The following TMEM63B variants were observed in gnomAD, a reference collection of about 807,000 sequenced individuals.
TMEM63B encodes mechanosensitive cation channel TMEM63B.
In TMEM63B, 23 loss-of-function variants were observed where a neutral mutation model predicts 102.6. The ratio of observed to expected loss-of-function variants is 0.22; its 90% confidence interval spans 0.16 to 0.32. TMEM63B has a LOEUF of 0.32. TMEM63B is among the 10% of genes least tolerant of loss of function. The pLI is 1.00. For synonymous variants in TMEM63B, 444 were observed against 437.0 expected, an observed-to-expected ratio of 1.02 and a Z score of -0.20; for missense variants, 628 against 1,095.9, an observed-to-expected ratio of 0.57 and a Z score of 6.03.
chr6:44,136,902 A>G (rs975883266), intron 5 of TMEM63B, among the ~76,000 whole-genome samples: 2 of 152,204 alleles, frequency 1.3e-5, no homozygotes, highest in African/African-American at 4.8e-5. Context: ...AAAATTAGCC[A>G]GGCGTGGTGG....
At position 44,140,208 on chromosome 6, in the gene TMEM63B, T is replaced by G. The variant is rs1223426315; in HGVS notation, c.603-44T>G. The G allele has an allele frequency of 2.0e-6, 3 of 1,504,804 alleles. No homozygotes were observed. The South Asian group carries it at 3.4e-5, about 17-fold the overall frequency. 93.2% of individuals were successfully genotyped at this position (1,504,804 alleles called of 1,614,324 possible). A position where few individuals can be genotyped will look rare whatever the true frequency, so the allele number is the denominator to read the frequency against. On this transcript the variant is annotated intron_variant, in intron 8 of 23. Coordinates refer to ENST00000323267, the MANE Select transcript of TMEM63B (RefSeq NM_018426.3). ...GGCTGAGGTGTCTCCTCTGAGTGTG[T>G]CCTAGCCCCAGTGGCTCCCATGTAT...
chr6:44,127,331 C>T (rs1353394876), upstream of TMEM63B: 5 of 152,386 alleles, frequency 3.3e-5, no homozygotes, highest in South Asian at 4.1e-4. Flanking sequence ...CCCACCCCTG[C>T]CCCCCACCAT....
intron 5 of TMEM63B, among the ~76,000 whole-genome samples, chr6:44,136,961 C>T (rs1214299826): frequency 6.6e-6 from 1 of 152,220 alleles, no homozygotes; most frequent in Non-Finnish European, 1.5e-5. Context: ...AGGAGAATGG[C>T]GTGAACGCGG....
chr6:44,155,136 A>AC lies in TMEM63B; in HGVS notation c.*259dup, dbSNP rs930860014. On this transcript the variant is annotated 3_prime_UTR_variant, in exon 24 of 24. Coordinates refer to ENST00000323267, the MANE Select transcript of TMEM63B (RefSeq NM_018426.3). ...GCAGAGGGAGTTCCCCCAGATCAGT[A>AC]CCCCCCACCCCTCCCCAGCTAGTAG... 4.8e-5 allele frequency: 15 copies of AC among 309,434 alleles called. No homozygotes were observed. The highest frequency in any genetic ancestry group is 2.2e-4 in the African/African-American group (10 of 46,142). 19.2% of individuals were successfully genotyped at this position (309,434 alleles called of 1,614,324 possible). A position where few individuals can be genotyped will look rare whatever the true frequency, so the allele number is the denominator to read the frequency against.
intron 5 of TMEM63B, among the ~76,000 whole-genome samples, chr6:44,138,053 G>T (rs1365243674): frequency 6.6e-6 from 1 of 152,142 alleles, no homozygotes; most frequent in Non-Finnish European, 1.5e-5. Flanking sequence ...TTGTCCTTCT[G>T]GGGTAGACTA....
In TMEM63B at chr6:44,153,848, G is replaced by A. The variant is rs2128278258; in HGVS notation, c.2110+5G>A. 6.2e-7 allele frequency: 1 copy of A among 1,612,342 alleles called. No individual in the cohort carries two copies. Among genetic ancestry groups the A allele is most frequent in the Non-Finnish European group, 8.5e-7 (1 of 1,178,976 alleles). ...TCTTTTCCACCATGCGCACGGGTGA[G>A]GGATCCCTACCCAGGGAACGGGGGG... On this transcript the variant is annotated splice_donor_5th_base_variant and intron_variant, in intron 21 of 23. Transcript: ENST00000323267.
Position 44,154,916 on chromosome 6 carries a change from C to A in TMEM63B, c.*33C>A. On this transcript the variant is annotated 3_prime_UTR_variant, in exon 24 of 24. Transcript: ENST00000323267. The stretch of plus-strand genomic sequence containing the variant: ...GAGGGGCCCTGGAGGCCACATCCTG[C>A]CCCACCCCACCCCCACTCCCACGGA... The A allele has an allele frequency of 6.8e-7, 1 of 1,472,042 alleles. No individual in the cohort carries two copies. Among genetic ancestry groups the A allele is most frequent in the South Asian group, 1.4e-5 (1 of 70,184 alleles). The allele number at this position is 1,472,042 out of a possible 1,614,324, so 91.2% of individuals were successfully genotyped here.
At chr6:44,151,152 C>T (rs1467453658) in intron 18 of TMEM63B, among the ~76,000 whole-genome samples, 1 of 151,978 alleles carries the variant, frequency 6.6e-6, no homozygotes, top group African/African-American at 2.4e-5. Flanking sequence ...GGCTAAAGGA[C>T]TCACACTTTG....
In TMEM63B at chr6:44,150,296, G is replaced by A. The variant is rs772222647; in HGVS notation, c.1593G>A (p.Ser531=). The A allele has an allele frequency of 1.3e-5, 21 of 1,613,858 alleles. 1 individual carries two copies. The highest frequency in any genetic ancestry group is 3.3e-4 in the Middle Eastern group (2 of 6,082). The change falls in exon 17 of 24, where the codon TCG becomes TCA. Residue 531 remains serine, a synonymous_variant. Transcript: ENST00000323267. The surrounding 1 kb of genome is among the most constrained non-coding windows in gnomAD (Gnocchi z 4.7). The part of the protein sequence containing the change: ...FLIFMVLLLP[S]LGLSSLDLFF... ...TCTTCATGGTGCTGCTCCTACCCTC[G>A]CTGGGACTGAGCAGGTGAGTTGAGA...
intron 2 of TMEM63B, 26 bp downstream of exon 2, chr6:44,134,769 CT>C (rs781451746): frequency 1.2e-6 from 2 of 1,606,524 alleles, no homozygotes; most frequent in African/African-American, 2.7e-5. Flanking sequence ...CACCCCTTAC[CT>C]TGGCATCCAT....
At chr6:44,130,993 C>G (rs1394916311) in intron 1 of TMEM63B, among the ~76,000 whole-genome samples, 2 of 152,048 alleles carry the variant, frequency 1.3e-5, no homozygotes, top group Non-Finnish European at 2.9e-5. Flanking sequence ...TCTAAGGTCA[C>G]TGCAACCTCT....
At chr6:44,127,152 T>TCCCCTCCCCGTCGGGGCC (rs1777197500), upstream of TMEM63B, 1 of 108,802 alleles carries the variant, frequency 9.2e-6, no homozygotes, top group African/African-American at 3.0e-5. Flanking sequence ...GTAAGGGGCC[T>TCCCCTCCCCGTCGGGGCC]CCCCTCCCCG....
At chr6:44,129,342 T>C (rs1777841563) in intron 1 of TMEM63B, among the ~76,000 whole-genome samples, 1 of 135,686 alleles carries the variant, frequency 7.4e-6, no homozygotes, top group Admixed American at 8.3e-5. Context: ...CACTCCAGCC[T>C]GGGTGACAGA....
intron 10 of TMEM63B, 101 bp downstream of exon 10, chr6:44,141,199 C>T (rs1177216401): frequency 1.6e-5 from 19 of 1,218,054 alleles, no homozygotes; most frequent in South Asian, 5.7e-5. Context: ...GGAGCTCTGC[C>T]GTGGGTGGGA....
At chr6:44,146,797 G>A (rs1166083617) in intron 10 of TMEM63B, 50 bp from the exon 11 acceptor site, 1 of 1,569,788 alleles carries the variant, frequency 6.4e-7, no homozygotes, top group South Asian at 1.1e-5. Context: ...GAAAGTCAGG[G>A]GCAGGTGGGT....
In TMEM63B at chr6:44,150,100, C is replaced by G; in HGVS notation, c.1521-124C>G. On this transcript the variant is annotated intron_variant, in intron 16 of 23. Coordinates refer to ENST00000323267, the MANE Select transcript of TMEM63B (RefSeq NM_018426.3). The surrounding 1 kb of genome is among the most constrained non-coding windows in gnomAD (Gnocchi z 4.7). ...CTGGTAGGGAAGGGGTAGTGCCCAG[C>G]ACCCTCACCTTGGGAGGCCCACCCT... 1 of 1,309,150 alleles carries G rather than the reference C, an allele frequency of 7.6e-7. No individual in the cohort carries two copies. Among genetic ancestry groups the G allele is most frequent in the Non-Finnish European group, 1.1e-6 (1 of 932,118 alleles). The allele number at this position is 1,309,150 out of a possible 1,614,324, so 81.1% of individuals were successfully genotyped here. A position where few individuals can be genotyped will look rare whatever the true frequency, so the allele number is the denominator to read the frequency against.
chr6:44,153,310 C>T (rs1767188731), intron 20 of TMEM63B, among the ~76,000 whole-genome samples: 1 of 152,216 alleles, frequency 6.6e-6, no homozygotes, highest in African/African-American at 2.4e-5. Flanking sequence ...ACTTCCTTGT[C>T]CTCATTAGAA....
chr6:44,132,295 T>G (rs1762096589), intron 1 of TMEM63B: 1 of 985,388 alleles, frequency 1.0e-6, no homozygotes, highest in Non-Finnish European at 1.2e-6. Flanking sequence ...GCATGGTGAT[T>G]TCAGTTACTA....
chr6:44,131,737 C>T (rs1778324284), intron 1 of TMEM63B, among the ~76,000 whole-genome samples: 1 of 150,090 alleles, frequency 6.7e-6, no homozygotes, highest in South Asian at 2.1e-4. Flanking sequence ...CACAACAACC[C>T]CCCCAAAAAA....
Sources: gnomAD v4.1 joint callset for allele counts (sites outside exome capture counted in the v4.1 genomes callset) on GRCh38, gnomAD v4.1.1 for gene constraint, Gnocchi (gnomAD v3.1) non-coding constraint, MANE v1.5 for transcripts, NCBI Gene and HGNC (gene_info 2026-07-23, HGNC 2026-07-21) for gene names.